The following EPHA3 variants were observed in gnomAD, a reference collection of about 807,000 sequenced individuals.
The protein encoded by EPHA3 is ephrin type-A receptor 3.
In EPHA3, 42 loss-of-function variants were observed where a neutral mutation model predicts 107.1. The ratio of observed to expected loss-of-function variants is 0.39; its 90% confidence interval spans 0.31 to 0.51. The LOEUF (loss-of-function observed/expected upper bound fraction) is 0.51. Among genes scored for constraint, EPHA3 ranks in the 20% least tolerant of loss-of-function variants. The pLI is 0.78. For missense variants in EPHA3, 1,183 were observed against 1,211.2 expected (o/e 0.98, Z 0.35); for synonymous variants, 461 against 424.8 (o/e 1.09, Z -1.05).
chr3:89,341,460 C>T (rs2107418627), intron 4 of EPHA3, among the ~76,000 whole-genome samples: 1 of 152,244 alleles, frequency 6.6e-6, no homozygotes, highest in Non-Finnish European at 1.5e-5. Flanking sequence ...AAAACTAATA[C>T]TAAAGTTTTC....
At chr3:89,265,110 A>G (rs1051926893) in intron 3 of EPHA3, among the ~76,000 whole-genome samples, 5 of 151,850 alleles carry the variant, frequency 3.3e-5, no homozygotes, top group African/African-American at 1.2e-4. Context: ...ATATAGAGAG[A>G]CTCTCCCATA....
At chr3:89,447,590 T>A (rs1709900698) in intron 13 of EPHA3, among the ~76,000 whole-genome samples, 1 of 152,170 alleles carries the variant, frequency 6.6e-6, no homozygotes, top group South Asian at 2.1e-4. Flanking sequence ...AGCTTCCTCT[T>A]CCATTATATT....
At chr3:89,409,474 G>A (rs765923540) in intron 9 of EPHA3, among the ~76,000 whole-genome samples, 5 of 151,872 alleles carry the variant, frequency 3.3e-5, no homozygotes, top group East Asian at 3.9e-4. Flanking sequence ...TACATCTTAC[G>A]AATTTTGAGC....
intron 3 of EPHA3, among the ~76,000 whole-genome samples, chr3:89,331,624 C>T (rs1707292090): frequency 6.6e-6 from 1 of 152,092 alleles, no homozygotes; most frequent in Non-Finnish European, 1.5e-5. Context: ...TTAGAAATTA[C>T]AGCATCTAGG....
At chr3:89,312,356 C>T (rs796295645) in intron 3 of EPHA3, among the ~76,000 whole-genome samples, 39 of 147,138 alleles carry the variant, frequency 2.7e-4, no homozygotes, top group African/African-American at 8.2e-4. Flanking sequence ...TTCGCAGTTA[C>T]GCAATTCTGG....
intron 16 of EPHA3, 82 bp from the exon 17 acceptor site, chr3:89,479,315 C>A: frequency 1.9e-6 from 2 of 1,070,558 alleles, no homozygotes; most frequent in Non-Finnish European, 2.8e-6. Context: ...AATATAACAT[C>A]GTGCAAATTG....
At chr3:89,366,271 G>A (rs1030837596) in intron 5 of EPHA3, among the ~76,000 whole-genome samples, 36 of 150,704 alleles carry the variant, frequency 2.4e-4, no homozygotes, top group African/African-American at 8.5e-4. Context: ...AACAGGCAGA[G>A]GGGAATAGAG....
At chr3:89,245,433 T>C (rs1433007893) in intron 3 of EPHA3, among the ~76,000 whole-genome samples, 1 of 152,170 alleles carries the variant, frequency 6.6e-6, no homozygotes, top group Non-Finnish European at 1.5e-5. Flanking sequence ...TAATCAAACC[T>C]TATGATATGG....
chr3:89,112,256 C>T (rs1323603383), intron 1 of EPHA3, among the ~76,000 whole-genome samples: 2 of 151,950 alleles, frequency 1.3e-5, no homozygotes, highest in African/African-American at 4.8e-5. Context: ...TTATTTTTAA[C>T]ATTTTTTAGT....
chr3:89,134,362 C>T (rs1704267710), intron 2 of EPHA3, among the ~76,000 whole-genome samples: 1 of 152,042 alleles, frequency 6.6e-6, no homozygotes, highest in African/African-American at 2.4e-5. Context: ...TGCTATCCCT[C>T]CCCACTCCCC....
chr3:89,348,009 C>T (rs1359916820), intron 5 of EPHA3, among the ~76,000 whole-genome samples: 5,624 of 150,540 alleles, frequency 0.037, 397 homozygotes, highest in African/African-American at 0.13. Context: ...CTGCTGGATT[C>T]GATTTGCCAG....
chr3:89,187,908 A>G (rs1320177958), intron 2 of EPHA3, among the ~76,000 whole-genome samples: 1 of 152,162 alleles, frequency 6.6e-6, no homozygotes, highest in Non-Finnish European at 1.5e-5. Context: ...TTAACACTAA[A>G]AATCTCTTAG....
At chr3:89,218,942 A>G (rs919260109) in intron 3 of EPHA3, among the ~76,000 whole-genome samples, 2 of 152,158 alleles carry the variant, frequency 1.3e-5, no homozygotes, top group Non-Finnish European at 2.9e-5. Flanking sequence ...GGGATCTAGA[A>G]CTAGAAGCAT....
chr3:89,422,889 G>T (rs1357371715), intron 11 of EPHA3, among the ~76,000 whole-genome samples: 1 of 151,370 alleles, frequency 6.6e-6, no homozygotes, highest in Non-Finnish European at 1.5e-5. Flanking sequence ...TTTTGAGCCT[G>T]ATGGTCTTAA....
At chr3:89,352,292 G>C (rs902303524) in intron 5 of EPHA3, among the ~76,000 whole-genome samples, 1 of 151,102 alleles carries the variant, frequency 6.6e-6, no homozygotes, top group Non-Finnish European at 1.5e-5. Context: ...ATTACATGAA[G>C]GGATTAAACT....
intron 3 of EPHA3, among the ~76,000 whole-genome samples, chr3:89,311,002 T>C (rs956709435): frequency 6.6e-6 from 1 of 152,038 alleles, no homozygotes; most frequent in African/African-American, 2.4e-5. Context: ...TTCTGCTATT[T>C]GGTTTTCTTA....
At chr3:89,139,392 A>G (rs1704379752) in intron 2 of EPHA3, among the ~76,000 whole-genome samples, 1 of 151,852 alleles carries the variant, frequency 6.6e-6, no homozygotes, top group South Asian at 2.1e-4. Context: ...CCCTGAATAA[A>G]TATGTAATCT....
At chr3:89,385,950 G>A (rs116718078) in intron 5 of EPHA3, among the ~76,000 whole-genome samples, 2,442 of 152,222 alleles carry the variant, frequency 0.016, 66 homozygotes, top group African/African-American at 0.055. Flanking sequence ...GTTGGCAGCC[G>A]GAATAAAGTG....
chr3:89,217,686 G>A (rs1230416863), intron 3 of EPHA3, among the ~76,000 whole-genome samples: 1 of 152,160 alleles, frequency 6.6e-6, no homozygotes, highest in Non-Finnish European at 1.5e-5. Flanking sequence ...AAGACCCTGA[G>A]TGTAAAATAT....
Sources: allele counts gnomAD v4.1 joint callset (sites outside exome capture counted in the v4.1 genomes callset), GRCh38; gene constraint gnomAD v4.1.1; transcripts MANE v1.5; gene names NCBI Gene and HGNC (gene_info 2026-07-23, HGNC 2026-07-21).